TMEM164: variants seen among roughly 807,000 people sequenced by gnomAD.
TMEM164 encodes the protein RP13-360B22.2.
In TMEM164, 4 loss-of-function variants were observed where a neutral mutation model predicts 18.8. That is an observed-to-expected ratio of 0.21 (90% CI 0.10 to 0.49). The LOEUF (loss-of-function observed/expected upper bound fraction) is 0.49, where lower values mean the gene tolerates loss of function less well. Ranked by LOEUF, TMEM164 falls within the 20% of genes least tolerant of loss-of-function variation. TMEM164 has a pLI of 0.98. For synonymous variants in TMEM164, 86 were observed against 101.7 expected, an observed-to-expected ratio of 0.85 and a Z score of 0.93; for missense variants, 108 against 239.9, an observed-to-expected ratio of 0.45 and a Z score of 3.63.
At position 110,105,750 on chromosome X, in the gene TMEM164, T is replaced by TGAGAGA. The variant is rs59866982; in HGVS notation, c.441-3291_441-3286dup. On this transcript the variant is annotated intron_variant, in intron 3 of 6. Coordinates refer to ENST00000372068, the MANE Select transcript of TMEM164 (RefSeq NM_032227.4). ...CACACACAGAGAGAGAGAGAGAGAA[T>TGAGAGA]GAGAGAGAGAGAGAGAGAGAGAGAG... Among the ~76,000 whole-genome samples, 539 of 72,108 alleles carry TGAGAGA rather than the reference T, an allele frequency of 7.5e-3. 1 individual carries two copies. The highest frequency in any genetic ancestry group is 0.018 in the East Asian group (37 of 2,071). The allele number at this position is 72,108 out of a possible 115,157, so 62.6% of individuals were successfully genotyped here.
intron 3 of TMEM164, among the ~76,000 whole-genome samples, chrX:110,094,944 G>C (rs2065990860): frequency 9.0e-6 from 1 of 111,476 alleles, no homozygotes; most frequent in African/African-American, 3.3e-5. Context: ...ATGAAGCTTA[G>C]TTTGGCTGGA....
At chrX:110,019,440 C>T (rs972828201) in intron 2 of TMEM164, among the ~76,000 whole-genome samples, 1 of 111,261 alleles carries the variant, frequency 9.0e-6, no homozygotes, top group African/African-American at 3.3e-5. Flanking sequence ...TTAGAGCAGC[C>T]TTGTGATTGA....
At chrX:110,049,492 A>G (rs961379183) in intron 2 of TMEM164, among the ~76,000 whole-genome samples, 2 of 111,177 alleles carry the variant, frequency 1.8e-5, no homozygotes, top group African/African-American at 6.5e-5. Context: ...GATCCCTCTC[A>G]TGCTCCTATG....
chrX:110,132,728 T>C (rs992557152), intron 4 of TMEM164, among the ~76,000 whole-genome samples: 1 of 112,036 alleles, frequency 8.9e-6, no homozygotes, highest in African/African-American at 3.3e-5. Flanking sequence ...TACCACAATG[T>C]ATTTCTCCAG....
At chrX:110,154,663 G>A (rs932029029) in intron 5 of TMEM164, among the ~76,000 whole-genome samples, 15 of 111,772 alleles carry the variant, frequency 1.3e-4, no homozygotes, top group Non-Finnish European at 1.7e-4. Flanking sequence ...CAAGTGATCC[G>A]CCTGCCTCTG....
chrX:110,017,656 G>A (rs1293410795), intron 2 of TMEM164, among the ~76,000 whole-genome samples: 2 of 99,473 alleles, frequency 2.0e-5, no homozygotes, highest in South Asian at 5.0e-4. Flanking sequence ...CGCAATCTCC[G>A]CCTCCTGGGT....
chrX:110,007,264 T>A (rs1932770410), intron 2 of TMEM164, among the ~76,000 whole-genome samples: 1 of 111,980 alleles, frequency 8.9e-6, no homozygotes, highest in South Asian at 3.7e-4. Context: ...CCTGTCAGAT[T>A]TCATTTTGGC....
intron 2 of TMEM164, among the ~76,000 whole-genome samples, chrX:110,011,614 A>G (rs1227326004): frequency 4.5e-5 from 5 of 112,346 alleles, no homozygotes; most frequent in Non-Finnish European, 9.4e-5. Context: ...GTTCAAGTAG[A>G]CAGGAAGAGG....
chrX:110,031,208 A>T (rs1190887115), intron 2 of TMEM164, among the ~76,000 whole-genome samples: 1 of 112,352 alleles, frequency 8.9e-6, no homozygotes, highest in African/African-American at 3.2e-5. Context: ...TTCCAGCTTC[A>T]TCCATGTCCC....
chrX:110,152,693 A>C (rs1450568219), intron 5 of TMEM164, among the ~76,000 whole-genome samples: 1 of 110,199 alleles, frequency 9.1e-6, no homozygotes, highest in African/African-American at 3.3e-5. Flanking sequence ...TCCTGCTCTT[A>C]CCTCCTAAAT....
intron 2 of TMEM164, among the ~76,000 whole-genome samples, chrX:110,043,161 A>G (rs2147787712): frequency 8.9e-6 from 1 of 112,860 alleles, no homozygotes; most frequent in African/African-American, 3.2e-5. Context: ...ATGCAACAGA[A>G]TGTTAACTCA....
At chrX:110,050,362 G>A (rs774721607) in intron 2 of TMEM164, among the ~76,000 whole-genome samples, 1 of 111,880 alleles carries the variant, frequency 8.9e-6, no homozygotes, top group South Asian at 3.8e-4. Flanking sequence ...TAATTTGAGG[G>A]AGTTTTCAGA....
At chrX:110,033,427 A>G (rs1185172269) in intron 2 of TMEM164, among the ~76,000 whole-genome samples, 1 of 112,122 alleles carries the variant, frequency 8.9e-6, no homozygotes, top group Non-Finnish European at 1.9e-5. Context: ...TTTGAAAAGA[A>G]ACTACACTTC....
At chrX:110,121,376 C>T (rs2066447126) in intron 4 of TMEM164, among the ~76,000 whole-genome samples, 1 of 111,837 alleles carries the variant, frequency 8.9e-6, no homozygotes, top group Admixed American at 9.5e-5. Context: ...TGTTCTGGAC[C>T]CAGGAAACCA....
At chrX:110,034,747 G>C (rs1303425106) in intron 2 of TMEM164, among the ~76,000 whole-genome samples, 1 of 105,584 alleles carries the variant, frequency 9.5e-6, no homozygotes, top group Non-Finnish European at 1.9e-5. Flanking sequence ...TATAAATCAT[G>C]CTGCTATAAA....
chrX:110,113,770 C>T (rs2066323848), intron 4 of TMEM164, among the ~76,000 whole-genome samples: 1 of 111,553 alleles, frequency 9.0e-6, no homozygotes, highest in African/African-American at 3.3e-5. Flanking sequence ...TAGAGAATGC[C>T]TAGGCTTCAG....
chrX:110,052,876 G>T (rs138544121), intron 2 of TMEM164, among the ~76,000 whole-genome samples: 1,205 of 104,727 alleles, frequency 0.012, 4 homozygotes, highest in Non-Finnish European at 0.017. Context: ...TCAGCCTCCC[G>T]AGTAGGTGGG....
At chrX:110,151,751 C>T (rs1303569726) in intron 5 of TMEM164, among the ~76,000 whole-genome samples, 1 of 111,262 alleles carries the variant, frequency 9.0e-6, no homozygotes, top group Non-Finnish European at 1.9e-5. Flanking sequence ...CCACTGCACT[C>T]CAGCCTGTGC....
rs2066310284 is a variant in TMEM164 at position 110,112,897 on chromosome X, A to G, written c.507+3751A>G. ...TGAAGGCCCTTTCTGCAGATACTGT[A>G]CAGTCACATTCTGAAGTACTGAGAG... On this transcript the variant is annotated intron_variant, in intron 4 of 6. Transcript: ENST00000372068. Among the ~76,000 whole-genome samples the G allele has an allele frequency of 2.7e-5, 3 of 111,504 alleles. No homozygotes were observed. In the Admixed American group the frequency reaches 2.9e-4, roughly 11 times the overall value.
Sources: gnomAD v4.1 joint callset for allele counts (sites outside exome capture counted in the v4.1 genomes callset) on GRCh38, gnomAD v4.1.1 for gene constraint, MANE v1.5 for transcripts, NCBI Gene and HGNC (gene_info 2026-07-23, HGNC 2026-07-21) for gene names.